Variants in LEMD2 observed in about 807,000 individuals in gnomAD.
The protein encoded by LEMD2 is LEM domain nuclear envelope protein 2.
Under a neutral mutation model 58.8 loss-of-function variants are expected in LEMD2, and 34 were observed. That is an observed-to-expected ratio of 0.58 (90% CI 0.44 to 0.77). LEMD2 has a LOEUF of 0.77. Ranked by LOEUF, LEMD2 falls within the 30% of genes least tolerant of loss-of-function variation. The pLI, the probability that LEMD2 is intolerant of heterozygous loss-of-function variation, is 0.00. For missense variants in LEMD2, 629 were observed against 717.9 expected (o/e 0.88, Z 1.42); for synonymous variants, 298 against 308.9 (o/e 0.96, Z 0.37).
At chr6:33,779,072 G>A (rs181336307) in intron 5 of LEMD2, 27 of 152,274 alleles carry the variant, frequency 1.8e-4, no homozygotes, top group African/African-American at 6.5e-4. Context: ...TGATTTCTCA[G>A]GACCCACTTT....
chr6:33,778,275 T>C lies in LEMD2; in HGVS notation c.1123A>G (p.Thr375Ala). ...VGCRLSRALL[T>A]AVTNVLIFFW... ...AAGATGAGCACGTTGGTGACAGCAG[T>C]GAGCAAGGCCCGGCTCAGGCGGCAG... Residue 375 changes from threonine (T) to alanine (A), a missense_variant, in exon 6 of 9, where the codon ACT (threonine) becomes GCT (alanine). Thr to Ala is a moderately conservative substitution (Grantham distance 58, BLOSUM62 0). Coordinates refer to ENST00000293760, the MANE Select transcript of LEMD2 (RefSeq NM_181336.4). The surrounding 1 kb of genome is among the most constrained non-coding windows in gnomAD (Gnocchi z 4.7). 6.2e-7 allele frequency: 1 copy of C among 1,607,294 alleles called. No individual in the cohort carries two copies. Among genetic ancestry groups the C allele is most frequent in the African/African-American group, 1.3e-5 (1 of 74,730 alleles).
chr6:33,772,887 TAA>T (rs1324061174), intron 8 of LEMD2, 109 bp from the exon 9 acceptor site: 2 of 1,037,658 alleles, frequency 1.9e-6, no homozygotes, highest in Non-Finnish European at 2.8e-6. Flanking sequence ...GGAATTTATG[TAA>T]GAGAGGAAAA....
At chr6:33,781,268 C>T (rs1000409331) in intron 3 of LEMD2, 115 bp from the exon 4 acceptor site, 1 of 673,444 alleles carries the variant, frequency 1.5e-6, no homozygotes, top group Non-Finnish European at 2.6e-6. Flanking sequence ...TGTTGCCCAG[C>T]GGCTCCTGGC....
In LEMD2 at chr6:33,772,632, C is replaced by G. The variant is rs747712369; in HGVS notation, c.1508G>C (p.Arg503Pro). The G allele has an allele frequency of 1.2e-6, 2 of 1,613,288 alleles. No homozygotes were observed. The highest frequency in any genetic ancestry group is 2.2e-5 in the South Asian group (2 of 91,012). ...TKPSSFSDSER is the reference protein window; with the variant it reads ...TKPSSFSDSEP ...GAACAAGTCCCCGCCCGGGGCTTAT[C>G]GCTCTGAGTCAGAGAAGGAAGAGGG... Residue 503 changes from arginine (R) to proline (P), a missense_variant, in exon 9 of 9, where the codon CGA (arginine) becomes CCA (proline). Arg to Pro is a moderately radical substitution (Grantham distance 103). Coordinates refer to ENST00000293760, the MANE Select transcript of LEMD2 (RefSeq NM_181336.4).
chr6:33,775,061 T>C (rs751096), intron 8 of LEMD2, among the ~76,000 whole-genome samples: 45,539 of 152,128 alleles, frequency 0.3, 7,443 homozygotes, highest in African/African-American at 0.43. Flanking sequence ...ATAAGGAAAC[T>C]GTGGCACAGG....
Position 33,788,900 on chromosome 6 carries a change from G to GC in LEMD2, c.216dup (p.Pro73AlafsTer34). On this transcript the variant is annotated frameshift_variant, in exon 1 of 9. Transcript: ENST00000293760. LOFTEE classifies it high-confidence loss of function. ...GCCGCGGCGGGCCGGGCGCGCAGCG[G>GC]CGCATCCTCGCGTAACCGGGCCTCT... is the stretch of plus-strand genomic sequence containing the variant. 7.1e-7 allele frequency: 1 copy of GC among 1,410,778 alleles called. No homozygotes were observed. The highest frequency in any genetic ancestry group is 9.2e-7 in the Non-Finnish European group (1 of 1,088,668). The allele number at this position is 1,410,778 out of a possible 1,614,324, so 87.4% of individuals were successfully genotyped here.
In LEMD2 at chr6:33,772,783, A is replaced by G. The variant is rs1767334420; in HGVS notation, c.1362-5T>C. 6.2e-7 allele frequency: 1 copy of G among 1,612,492 alleles called. No homozygotes were observed. The highest frequency in any genetic ancestry group is 1.7e-5 in the Admixed American group (1 of 59,906). On this transcript the variant is annotated splice_polypyrimidine_tract_variant and splice_region_variant and intron_variant, in intron 8 of 8. Coordinates refer to ENST00000293760, the MANE Select transcript of LEMD2 (RefSeq NM_181336.4). The stretch of plus-strand genomic sequence containing the variant: ...CAGACACGCTTCATGCGCCTCCTGC[A>G]ATGAGAGGGACGGGGCTCTGCCTGG...
chr6:33,789,124 ACGCCGCCCCCCGCCCGCCCCTGGCGCG>A (rs1312074226), exon 1 of LEMD2: 9 of 1,504,588 alleles, frequency 6.0e-6, no homozygotes, highest in African/African-American at 1.0e-4. Context: ...CATGGCCAGG[ACGCCGCCCCCCGCCCGCCCCTGGCGCG>A]CACCGCACCC....
chr6:33,780,144 G>T lies in LEMD2; in HGVS notation c.966C>A (p.Ala322=), dbSNP rs775225473. The change falls in exon 5 of 9, where the codon GCC becomes GCA. Residue 322 remains alanine (A), a synonymous_variant. Transcript: ENST00000293760. The part of the protein sequence containing the change: ...VTSSSSAKFE[A]ALTWILSSNK... ...TACTGCTCAGTATCCAGGTCAGTGC[G>T]GCTTCAAACTTGGCGGAGGAGCTGC... The T allele has an allele frequency of 1.3e-6, 2 of 1,597,178 alleles. No homozygotes were observed. The highest frequency in any genetic ancestry group is 3.4e-5 in the Admixed American group (2 of 57,998).
intron 1 of LEMD2, among the ~76,000 whole-genome samples, chr6:33,787,772 T>C (rs1286261964): frequency 6.6e-6 from 1 of 152,198 alleles, no homozygotes; most frequent in Non-Finnish European, 1.5e-5. Flanking sequence ...TCGTAGTCTC[T>C]CTCTTAACAC....
chr6:33,785,124 C>T lies in LEMD2; in HGVS notation c.778-697G>A, dbSNP rs551533271. ...ACAAAGTGTCACCGTCTTCAACGAC[C>T]GAAAAGGGAAAGAACATGAATCTGA... On this transcript the variant is annotated intron_variant, in intron 2 of 8. Coordinates refer to ENST00000293760, the MANE Select transcript of LEMD2 (RefSeq NM_181336.4). 2.6e-5 allele frequency among the ~76,000 whole-genome samples: 4 copies of T among 152,006 alleles called. No homozygotes were observed. The South Asian group carries it at 8.3e-4, about 32-fold the overall frequency.
chr6:33,786,789 A>G lies in LEMD2; in HGVS notation c.737-15T>C. 1 of 1,613,506 alleles carries G rather than the reference A, an allele frequency of 6.2e-7. No individual in the cohort carries two copies. Among genetic ancestry groups the G allele is most frequent in the Non-Finnish European group, 8.5e-7 (1 of 1,179,816 alleles). On this transcript the variant is annotated splice_polypyrimidine_tract_variant and intron_variant, in intron 1 of 8. Coordinates refer to ENST00000293760, the MANE Select transcript of LEMD2 (RefSeq NM_181336.4). ...CAATAACTTCACTGAGACCAAGAAA[A>G]GAAACACAGAGGAAATTAAGTGTGG...
rs766027501 is a variant in LEMD2, at chr6:33,788,778, G to C, written c.339C>G (p.Ser113=). ...AYGDIRPSAA[S]WVGSRGLAYP... ...AGGCGAGGCCGCGGCTCCCTACCCA[G>C]GAAGCCGCGGAGGGCCGGATATCAC... Residue 113 remains serine (S), a synonymous_variant, in exon 1 of 9, where the codon TCC becomes TCG. Coordinates refer to ENST00000293760, the MANE Select transcript of LEMD2 (RefSeq NM_181336.4). 3.4e-6 allele frequency: 5 copies of C among 1,452,566 alleles called. No individual in the cohort carries two copies. Among genetic ancestry groups the C allele is most frequent in the Non-Finnish European group, 3.6e-6 (4 of 1,104,934 alleles). The allele number at this position is 1,452,566 out of a possible 1,614,324, so 90.0% of individuals were successfully genotyped here. A position where few individuals can be genotyped will look rare whatever the true frequency, so the allele number is the denominator to read the frequency against.
At chr6:33,783,448 C>T (rs1445128099) in intron 3 of LEMD2, among the ~76,000 whole-genome samples, 1 of 152,196 alleles carries the variant, frequency 6.6e-6, no homozygotes, top group Non-Finnish European at 1.5e-5. Flanking sequence ...ACCTCACAAT[C>T]CTAAGACCTG....
At chr6:33,781,253 G>A (rs73744675) in intron 3 of LEMD2, 100 bp from the exon 4 acceptor site, 7,948 of 755,302 alleles carry the variant, frequency 0.011, 108 homozygotes, top group African/African-American at 0.048. Context: ...CTCTAATAAG[G>A]AGCATGTTGC....
rs1470034443 is a variant in LEMD2 at position 33,788,657 on chromosome 6, C to T, written c.460G>A (p.Gly154Ser). Residue 154 changes from glycine (G) to serine (S), a missense_variant, in exon 1 of 9, where the codon GGC becomes AGC. This residue lies in a region of LEMD2 where 386 missense variants were observed against 381.1 expected (regional missense o/e 1.01). Coordinates refer to ENST00000293760, the MANE Select transcript of LEMD2 (RefSeq NM_181336.4). ...CAGCGGCGGGCCGCGAGACCCGGGC[C>T]CTGCGTGGCCCTGTCGGGCGTCCGG... ...DARTPDRATQ[G>S]PGLAARRWWA... 15 of 1,297,734 alleles carry T rather than the reference C, an allele frequency of 1.2e-5. No individual in the cohort carries two copies. The highest frequency in any genetic ancestry group is 4.6e-5 in the African/African-American group (3 of 64,552). The allele number at this position is 1,297,734 out of a possible 1,614,324, so 80.4% of individuals were successfully genotyped here. A position where few individuals can be genotyped will look rare whatever the true frequency, so the allele number is the denominator to read the frequency against.
At chr6:33,783,111 A>G (rs143324078) in intron 3 of LEMD2, among the ~76,000 whole-genome samples, 2 of 152,288 alleles carry the variant, frequency 1.3e-5, no homozygotes, top group African/African-American at 4.8e-5. Flanking sequence ...TGAGATTCTG[A>G]ATTTCTAGTG....
chr6:33,776,264 T>G (rs1030722018), intron 8 of LEMD2, among the ~76,000 whole-genome samples: 10 of 152,272 alleles, frequency 6.6e-5, no homozygotes, highest in Non-Finnish European at 8.8e-5. Flanking sequence ...TGTTTTTGAC[T>G]GCAGGTCATG....
chr6:33,788,361 T>C lies in LEMD2; in HGVS notation c.736+20A>G. 1.3e-6 allele frequency: 2 copies of C among 1,538,204 alleles called. No individual in the cohort carries two copies. The highest frequency in any genetic ancestry group is 1.8e-6 in the Non-Finnish European group (2 of 1,141,656). Reference sequence around the variant, plus strand: ...CACACGCGCGCCCAGGGCCCTCCCCTGCGCCGGCCCAGGACGTACTGTTGT... The same window carrying C: ...CACACGCGCGCCCAGGGCCCTCCCCCGCGCCGGCCCAGGACGTACTGTTGT... On this transcript the variant is annotated intron_variant, in intron 1 of 8. Coordinates refer to ENST00000293760, the MANE Select transcript of LEMD2 (RefSeq NM_181336.4).
Sources: allele counts gnomAD v4.1 joint callset (sites outside exome capture counted in the v4.1 genomes callset), GRCh38; gene constraint gnomAD v4.1.1; regional missense constraint gnomAD v4.1.1; non-coding constraint Gnocchi (gnomAD v3.1); transcripts MANE v1.5; gene names NCBI Gene and HGNC (gene_info 2026-07-23, HGNC 2026-07-21).